FCHSD1: variants seen among roughly 807,000 people sequenced by gnomAD.
FCHSD1 encodes FCH and double SH3 domains 1, also known as F-BAR and double SH3 domains protein 1.
A neutral mutation model predicts 101.3 loss-of-function variants in FCHSD1; 109 were observed. That is an observed-to-expected ratio of 1.08 (90% CI 0.92 to 1.26). The LOEUF (loss-of-function observed/expected upper bound fraction) is 1.26. FCHSD1 is among the 50% of genes most tolerant of loss of function. The probability of loss-of-function intolerance (pLI) is 0.00; values close to 1 mark genes in which losing one functional copy is unlikely to be tolerated. For synonymous variants in FCHSD1, 291 were observed against 356.8 expected, an observed-to-expected ratio of 0.82 and a Z score of 2.08; for missense variants, 820 against 895.8, an observed-to-expected ratio of 0.92 and a Z score of 1.08.
rs566735507 is a variant in FCHSD1, at chr5:141,647,477, G to T, written c.749C>A (p.Thr250Asn). Reference sequence around the variant, plus strand: ...TTCCAGCTCAGTGTGGCTCAGGGAGGTCAGGGGGTCCCTCAAGTGCTCTGA... The same window carrying T: ...TTCCAGCTCAGTGTGGCTCAGGGAGTTCAGGGGGTCCCTCAAGTGCTCTGA... ...ELSEHLRDPLTSLSHTELEAA... is the reference protein window; with the variant it reads ...ELSEHLRDPLNSLSHTELEAA... Residue 250 changes from threonine to asparagine, a missense_variant, in exon 9 of 20, where the codon ACC becomes AAC. Transcript: ENST00000435817. 4.8e-5 allele frequency: 78 copies of T among 1,612,746 alleles called. 2 individuals are homozygous for T. In the South Asian group the frequency reaches 7.8e-4, roughly 16 times the overall value.
intron 17 of FCHSD1, 131 bp from the exon 18 acceptor site, chr5:141,643,219 T>TGGCGG (rs1554219617): frequency 1.8e-6 from 1 of 563,496 alleles, no homozygotes; most frequent in Non-Finnish European, 2.9e-6. Context: ...TTGCATTCGG[T>TGGCGG]GGGGGGGTGT....
At chr5:141,650,871 C>G in intron 2 of FCHSD1, 149 bp downstream of exon 2, 1 of 715,354 alleles carries the variant, frequency 1.4e-6, no homozygotes, top group Admixed American at 2.2e-5. Flanking sequence ...TATCCAGTAT[C>G]TGGAGAGGCC....
chr5:141,644,117 C>A, intron 17 of FCHSD1, 101 bp downstream of exon 17: 1 of 1,166,828 alleles, frequency 8.6e-7, no homozygotes, highest in Admixed American at 2.5e-5. Context: ...GGAGGTAAAA[C>A]TGGGGAGCAG....
intron 18 of FCHSD1, 24 bp downstream of exon 18, chr5:141,642,977 A>G (rs702380): frequency 0.14 from 210,765 of 1,549,172 alleles, 16,325 homozygotes; most frequent in African/African-American, 0.31. Context: ...TAGCCTCCCA[A>G]GGCTCCCAGT....
intron 17 of FCHSD1, among the ~76,000 whole-genome samples, chr5:141,643,477 T>C (rs1035576001): frequency 6.6e-6 from 1 of 152,222 alleles, no homozygotes. Context: ...CCCACTCCTA[T>C]TCTCTTTCTG....
intron 1 of FCHSD1, 67 bp from the exon 2 acceptor site, chr5:141,651,184 G>A (rs1327229413): frequency 6.6e-7 from 1 of 1,516,848 alleles, no homozygotes; most frequent in South Asian, 1.2e-5. Context: ...CGCAGGGAGC[G>A]GTGAGGGGGC....
rs143284170 is a variant in FCHSD1, at chr5:141,641,374, G to A, written c.*124C>T. The A allele has an allele frequency of 4.2e-4, 363 of 859,072 alleles. No individual in the cohort carries two copies. The East Asian group carries it at 9.9e-3, about 24-fold the overall frequency. The allele number at this position is 859,072 out of a possible 1,614,324, so 53.2% of individuals were successfully genotyped here. On this transcript the variant is annotated 3_prime_UTR_variant, in exon 20 of 20. Coordinates refer to ENST00000435817, the MANE Select transcript of FCHSD1 (RefSeq NM_033449.3). ...GAAGGGGCAAGTTTCCACCCTTGGA[G>A]GTGAGGGTGGAAATAAGGGCGATTC...
rs370251427 is a variant in FCHSD1, at chr5:141,639,589, G to A, written c.*1909C>T. 34 of 1,613,748 alleles carry A rather than the reference G, an allele frequency of 2.1e-5. No individual in the cohort carries two copies. Among genetic ancestry groups the A allele is most frequent in the Non-Finnish European group, 2.7e-5 (32 of 1,179,982 alleles). On this transcript the variant is annotated 3_prime_UTR_variant, in exon 20 of 20. Transcript: ENST00000435817. This position sits in a 1 kb window ranked among gnomAD's most constrained non-coding sequence, Gnocchi z 4.4. ...AGGCCTCCACTTGTCCGTCAGGGAC[G>A]CTCCAAGGAAGGAAAAAGCCGCCCC...
In FCHSD1 at chr5:141,640,606, C is replaced by A. The variant is rs911313235; in HGVS notation, c.*892G>T. 4 of 1,541,896 alleles carry A rather than the reference C, an allele frequency of 2.6e-6. No homozygotes were observed. Among genetic ancestry groups the A allele is most frequent in the Middle Eastern group, 1.7e-4 (1 of 5,954 alleles). The stretch of plus-strand genomic sequence containing the variant: ...GTGGAGGTAGGGAAGGTCCTGGAGC[C>A]CCAGGGGAAAAGCTGGACACAGCTT... On this transcript the variant is annotated 3_prime_UTR_variant, in exon 20 of 20. Transcript: ENST00000435817.
chr5:141,645,953 G>A, intron 12 of FCHSD1, 21 bp from the exon 13 acceptor site: 2 of 1,554,552 alleles, frequency 1.3e-6, no homozygotes, highest in Non-Finnish European at 1.7e-6. Context: ...GAGGAAGTAA[G>A]TTAGTGGAAC....
chr5:141,650,945 C>A, intron 2 of FCHSD1, 75 bp downstream of exon 2: 2 of 1,406,880 alleles, frequency 1.4e-6, no homozygotes, highest in Non-Finnish European at 2.0e-6. Context: ...TCCTCCACCC[C>A]AGCACATGTA....
rs1192937610 is a variant in FCHSD1 at position 141,647,180 on chromosome 5, A to G, written c.879T>C (p.Phe293=). The change falls in exon 10 of 20, where the codon TTT becomes TTC. Residue 293 remains phenylalanine (F), a synonymous_variant. Transcript: ENST00000435817. ...GAAACTGCTGAGGTGGGGTGGGGGAAAATACACCAGGCTCCTGAAGAAACA... is the reference window on the plus strand; with the variant it reads ...GAAACTGCTGAGGTGGGGTGGGGGAGAATACACCAGGCTCCTGAAGAAACA... ...LKLFLQEPGV[F]SPTPPQQFQP... is the part of the protein sequence containing the mutation. 1.2e-6 allele frequency: 2 copies of G among 1,610,132 alleles called. No homozygotes were observed. The highest frequency in any genetic ancestry group is 3.4e-5 in the Admixed American group (2 of 59,472).
rs1244707860 is a variant in FCHSD1, at chr5:141,648,014, G to A, written c.659C>T (p.Ala220Val). Residue 220 changes from alanine (A) to valine (V), a missense_variant, in exon 8 of 20, where the codon GCC (alanine) becomes GTC (valine). By Grantham distance (64) the Ala-to-Val change is moderately conservative. Coordinates refer to ENST00000435817, the MANE Select transcript of FCHSD1 (RefSeq NM_033449.3). ...CTCCTGGTAGTAATGGTCGAGGTGG[G>A]CATTGGTAGCCACCAAGTTAAGCAG... ...EYLLNLVATN[A>V]HLDHYYQEEL... is the part of the protein sequence containing the mutation. 1.2e-6 allele frequency: 2 copies of A among 1,613,244 alleles called. No individual in the cohort carries two copies.
At position 141,641,473 on chromosome 5, in the gene FCHSD1, C is replaced by G; in HGVS notation, c.*25G>C. ...CTTGAAGATAGGGACAGCAGCATCA[C>G]TGGGGGTCAAGGCTTCCCTGGCCTT... On this transcript the variant is annotated 3_prime_UTR_variant, in exon 20 of 20. Coordinates refer to ENST00000435817, the MANE Select transcript of FCHSD1 (RefSeq NM_033449.3). The G allele has an allele frequency of 6.8e-7, 1 of 1,466,648 alleles. No individual in the cohort carries two copies. The highest frequency in any genetic ancestry group is 9.0e-7 in the Non-Finnish European group (1 of 1,107,698). The allele number at this position is 1,466,648 out of a possible 1,614,324, so 90.9% of individuals were successfully genotyped here.
Position 141,640,002 on chromosome 5 carries a change from G to A in FCHSD1, c.*1496C>T, listed in dbSNP as rs17855844. 2 of 1,613,496 alleles carry A rather than the reference G, an allele frequency of 1.2e-6. No individual in the cohort carries two copies. The highest frequency in any genetic ancestry group is 1.7e-6 in the Non-Finnish European group (2 of 1,179,750). ...CCCCACAGACAGGAGCTGGGGCTCTGGTGGGGGACAGGACCCAGGGGGTGG... is the reference window on the plus strand; with the variant it reads ...CCCCACAGACAGGAGCTGGGGCTCTAGTGGGGGACAGGACCCAGGGGGTGG... On this transcript the variant is annotated 3_prime_UTR_variant, in exon 20 of 20. Coordinates refer to ENST00000435817, the MANE Select transcript of FCHSD1 (RefSeq NM_033449.3).
At chr5:141,648,593 C>T (rs1255549157) in intron 7 of FCHSD1, among the ~76,000 whole-genome samples, 1 of 152,098 alleles carries the variant, frequency 6.6e-6, no homozygotes, top group South Asian at 2.1e-4. Flanking sequence ...ATCATAGTAC[C>T]TTGTTTTATT....
chr5:141,644,882 C>CCTCCT lies in FCHSD1; in HGVS notation c.1496_1500dup (p.Gly501ArgfsTer18). On this transcript the variant is annotated frameshift_variant, in exon 15 of 20. Transcript: ENST00000435817. LOFTEE classifies it high-confidence loss of function. ...ACCTTGACCCATTCGTCAGCATCTCCCTCCTCTATGACCTCCAGCCACTCA... is the reference window on the plus strand; with the variant it reads ...ACCTTGACCCATTCGTCAGCATCTCCCTCCTCTCCTCTATGACCTCCAGCCACTCA... The CCTCCT allele has an allele frequency of 6.2e-7, 1 of 1,613,828 alleles. No individual in the cohort carries two copies. The highest frequency in any genetic ancestry group is 1.3e-5 in the African/African-American group (1 of 75,022).
intron 8 of FCHSD1, 116 bp from the exon 9 acceptor site, chr5:141,647,636 CA>C: frequency 6.7e-7 from 1 of 1,485,250 alleles, no homozygotes; most frequent in Non-Finnish European, 9.1e-7. Flanking sequence ...GAGAAGAAGA[CA>C]TTCTTCATGA....
intron 8 of FCHSD1, 105 bp downstream of exon 8, chr5:141,647,863 A>G (rs1434480602): frequency 6.7e-7 from 1 of 1,482,746 alleles, no homozygotes; most frequent in Non-Finnish European, 9.1e-7. Flanking sequence ...CACTCTAAAC[A>G]GACAAGATCC....
Sources: allele counts gnomAD v4.1 joint callset (sites outside exome capture counted in the v4.1 genomes callset), GRCh38; gene constraint gnomAD v4.1.1; non-coding constraint Gnocchi (gnomAD v3.1); transcripts MANE v1.5; gene names NCBI Gene and HGNC (gene_info 2026-07-23, HGNC 2026-07-21).